THSD7B: variants seen among roughly 807,000 people sequenced by gnomAD.
THSD7B encodes thrombospondin type-1 domain-containing protein 7B.
A neutral mutation model predicts 213.6 loss-of-function variants in THSD7B; 138 were observed. The observed-to-expected ratio is 0.65, with a 90% CI of 0.56 to 0.74. THSD7B has a LOEUF of 0.74. Ranked by LOEUF, THSD7B falls within the 30% of genes least tolerant of loss-of-function variation. The pLI, the probability that THSD7B is intolerant of heterozygous loss-of-function variation, is 0.00. For missense variants in THSD7B, 1,931 were observed against 1,991.5 expected, an observed-to-expected ratio of 0.97 and a Z score of 0.58; for synonymous variants, 742 against 687.0, an observed-to-expected ratio of 1.08 and a Z score of -1.25.
intron 12 of THSD7B, among the ~76,000 whole-genome samples, chr2:137,370,634 A>G (rs1377063643): frequency 6.6e-6 from 1 of 151,986 alleles, no homozygotes; most frequent in Non-Finnish European, 1.5e-5. Context: ...ATGCTTGGCT[A>G]ATTTTTGCAT....
At chr2:137,283,886 T>C (rs551933995) in intron 12 of THSD7B, among the ~76,000 whole-genome samples, 2 of 152,280 alleles carry the variant, frequency 1.3e-5, no homozygotes, top group East Asian at 3.9e-4. Flanking sequence ...TCTTCCCAGC[T>C]TTGGTATCAG....
intron 10 of THSD7B, among the ~76,000 whole-genome samples, chr2:137,265,873 T>C (rs976773485): frequency 3.9e-5 from 6 of 152,210 alleles, no homozygotes; most frequent in African/African-American, 7.2e-5. Flanking sequence ...TTGGCTAGAA[T>C]TGCTGTGAGA....
chr2:137,096,509 A>T (rs1864802), intron 4 of THSD7B, among the ~76,000 whole-genome samples: 36,226 of 152,010 alleles, frequency 0.24, 5,939 homozygotes, highest in African/African-American at 0.45. Context: ...TATTGTTAAT[A>T]TTTTGCTAAA....
At chr2:136,855,593 T>C (rs1683165518) in intron 1 of THSD7B, among the ~76,000 whole-genome samples, 1 of 128,484 alleles carries the variant, frequency 7.8e-6, no homozygotes. Context: ...ATCCGGCTAT[T>C]ATTTATTTAT....
intron 2 of THSD7B, among the ~76,000 whole-genome samples, chr2:137,030,170 T>C (rs540851814): frequency 6.6e-6 from 1 of 152,270 alleles, no homozygotes; most frequent in Middle Eastern, 3.4e-3. Flanking sequence ...ACAAACATTG[T>C]TTACATCGTA....
At chr2:137,134,125 A>G (rs920364914) in intron 5 of THSD7B, among the ~76,000 whole-genome samples, 2 of 152,188 alleles carry the variant, frequency 1.3e-5, no homozygotes, top group Non-Finnish European at 2.9e-5. Flanking sequence ...CCAATCAAGT[A>G]AGCAACATTA....
At chr2:137,020,450 C>A (rs1418892684) in intron 2 of THSD7B, among the ~76,000 whole-genome samples, 1 of 152,170 alleles carries the variant, frequency 6.6e-6, no homozygotes, top group Non-Finnish European at 1.5e-5. Context: ...CTAGCCTGAT[C>A]TGATTGCGGT....
At chr2:136,912,955 C>T (rs1221457307) in intron 2 of THSD7B, among the ~76,000 whole-genome samples, 1 of 152,138 alleles carries the variant, frequency 6.6e-6, no homozygotes, top group African/African-American at 2.4e-5. Flanking sequence ...GTGGAAGCGA[C>T]TTTGGAACTG....
In THSD7B at chr2:137,217,872, C is replaced by A. The variant is rs1681284079; in HGVS notation, c.1724-13172C>A. On this transcript the variant is annotated intron_variant, in intron 7 of 27. Transcript: ENST00000409968. ...GATATAATGGGTTAAAGACTTAAGA[C>A]ATTATGCAACCCTGAATTTACTGAG... 2.0e-5 allele frequency among the ~76,000 whole-genome samples: 3 copies of A among 152,114 alleles called. 1 individual carries two copies. In the South Asian group the frequency reaches 6.2e-4, roughly 32 times the overall value.
At chr2:137,107,355 G>A (rs1273784905) in intron 4 of THSD7B, among the ~76,000 whole-genome samples, 2 of 152,176 alleles carry the variant, frequency 1.3e-5, no homozygotes, top group Non-Finnish European at 2.9e-5. Context: ...ATGGACACAG[G>A]GAGGAGAAGG....
At chr2:137,292,117 A>G (rs1000625132) in intron 12 of THSD7B, among the ~76,000 whole-genome samples, 10 of 152,134 alleles carry the variant, frequency 6.6e-5, no homozygotes, top group Non-Finnish European at 1.5e-4. Context: ...ACTTCTCATG[A>G]TTACACAGAT....
At position 136,779,485 on chromosome 2, in the gene THSD7B, C is replaced by T. The variant is rs150614968; in HGVS notation, c.-36+13798C>T. ...CTTTAAGGTCCCACACCTTGTATTA[C>T]ATTTGGAATTGTCTCCATTATGCTG... On this transcript the variant is annotated intron_variant, in intron 1 of 27. Transcript: ENST00000409968. 1.8e-3 allele frequency among the ~76,000 whole-genome samples: 267 copies of T among 152,112 alleles called. 4 individuals are homozygous for T. The East Asian group carries it at 0.038, about 22-fold the overall frequency.
chr2:136,808,037 C>T (rs1399420134), intron 1 of THSD7B, among the ~76,000 whole-genome samples: 2 of 152,190 alleles, frequency 1.3e-5, no homozygotes, highest in Admixed American at 6.5e-5. Context: ...CTACTGATAG[C>T]TCCAAATCTG....
intron 2 of THSD7B, among the ~76,000 whole-genome samples, chr2:136,890,619 A>C (rs1683834576): frequency 7.4e-6 from 1 of 135,554 alleles, no homozygotes; most frequent in Non-Finnish European, 1.6e-5. Context: ...GGCTCACTGC[A>C]ACCTCCACCT....
intron 14 of THSD7B, among the ~76,000 whole-genome samples, chr2:137,412,520 C>CT (rs1686682393): frequency 3.4e-5 from 3 of 86,968 alleles, no homozygotes; most frequent in Admixed American, 1.4e-4. Context: ...TTGCTTGAAC[C>CT]CGGGGGGCAG....
intron 14 of THSD7B, among the ~76,000 whole-genome samples, chr2:137,441,216 T>G (rs1443004932): frequency 6.6e-6 from 1 of 152,114 alleles, no homozygotes; most frequent in Non-Finnish European, 1.5e-5. Flanking sequence ...AAATTGTCTC[T>G]TAATCAGGTG....
At chr2:137,412,906 T>C (rs1686701664) in intron 14 of THSD7B, among the ~76,000 whole-genome samples, 1 of 150,780 alleles carries the variant, frequency 6.6e-6, no homozygotes, top group South Asian at 2.1e-4. Flanking sequence ...TTTTTTTTTT[T>C]ACTAGTTTTT....
intron 7 of THSD7B, among the ~76,000 whole-genome samples, chr2:137,229,302 C>A (rs1167532402): frequency 6.6e-6 from 1 of 151,936 alleles, no homozygotes; most frequent in African/African-American, 2.4e-5. Context: ...GTAGGTTGGG[C>A]CTTTTGTTTG....
intron 3 of THSD7B, among the ~76,000 whole-genome samples, chr2:137,058,574 G>A (rs1687210781): frequency 6.6e-6 from 1 of 151,962 alleles, no homozygotes; most frequent in South Asian, 2.1e-4. Flanking sequence ...TTAACATCTT[G>A]CATTCATGTG....
Sources: allele counts gnomAD v4.1 joint callset (sites outside exome capture counted in the v4.1 genomes callset), GRCh38; gene constraint gnomAD v4.1.1; transcripts MANE v1.5; gene names NCBI Gene and HGNC (gene_info 2026-07-23, HGNC 2026-07-21).